The following ANXA4 variants were observed in gnomAD, a reference collection of about 807,000 sequenced individuals.
ANXA4 encodes 35-beta calcimedin.
In ANXA4, 39 loss-of-function variants were observed where a neutral mutation model predicts 49.8. The ratio of observed to expected loss-of-function variants is 0.78; its 90% confidence interval spans 0.61 to 1.02. The LOEUF (loss-of-function observed/expected upper bound fraction) is 1.02, where lower values mean the gene tolerates loss of function less well. ANXA4 is among the 50% of genes least tolerant of loss of function. The probability of loss-of-function intolerance (pLI) is 0.00; values close to 1 mark genes in which losing one functional copy is unlikely to be tolerated. For missense variants in ANXA4, 360 were observed against 410.1 expected (o/e 0.88, Z 1.05); for synonymous variants, 134 against 152.5 (o/e 0.88, Z 0.89).
chr2:69,709,399 TCAAA>T (rs917632347), intron 2 of ANXA4, among the ~76,000 whole-genome samples: 1 of 152,200 alleles, frequency 6.6e-6, no homozygotes, highest in Non-Finnish European at 1.5e-5. Context: ...AATATTTTCC[TCAAA>T]CAAAGGCTTT....
At chr2:69,689,170 C>G (rs1414238927) in intron 2 of ANXA4, among the ~76,000 whole-genome samples, 1 of 152,130 alleles carries the variant, frequency 6.6e-6, no homozygotes, top group Non-Finnish European at 1.5e-5. Context: ...TAGTCCACCG[C>G]AGCCTTGAAC....
chr2:69,667,599 G>A (rs565325914), intron 2 of ANXA4, among the ~76,000 whole-genome samples: 5 of 152,206 alleles, frequency 3.3e-5, no homozygotes, highest in Middle Eastern at 3.2e-3. Flanking sequence ...TGGGGATGCT[G>A]TGGCAACATT....
At chr2:69,783,299 C>T (rs935712062) in intron 2 of ANXA4, among the ~76,000 whole-genome samples, 2 of 152,098 alleles carry the variant, frequency 1.3e-5, no homozygotes, top group Non-Finnish European at 2.9e-5. Context: ...CTCACTACCA[C>T]CTCCGTCGTA....
At chr2:69,724,725 A>AAAGAAAGATAAGCTGGGGC (rs1322994669) in intron 3 of ANXA4, among the ~76,000 whole-genome samples, 19 of 152,200 alleles carry the variant, frequency 1.2e-4, no homozygotes, top group Admixed American at 4.6e-4. Flanking sequence ...CTGGGGCAAG[A>AAAGAAAGATAAGCTGGGGC]AAGAAAGATA....
intron 8 of ANXA4, 159 bp from the exon 9 acceptor site, chr2:69,815,942 A>C: frequency 3.3e-6 from 2 of 614,998 alleles, no homozygotes; most frequent in Non-Finnish European, 5.9e-6. Context: ...ATGCCTGAGG[A>C]AGGATCCTGA....
At chr2:69,692,988 G>T (rs993161887) in intron 2 of ANXA4, among the ~76,000 whole-genome samples, 1 of 152,180 alleles carries the variant, frequency 6.6e-6, no homozygotes, top group African/African-American at 2.4e-5. Flanking sequence ...GTGTGAGGTG[G>T]GGGAGGGATG....
intron 2 of ANXA4, among the ~76,000 whole-genome samples, chr2:69,705,129 A>G (rs1379637886): frequency 6.6e-6 from 1 of 151,844 alleles, no homozygotes; most frequent in Non-Finnish European, 1.5e-5. Context: ...TACTTCTACA[A>G]AAATAAAAAA....
chr2:69,733,981 T>C (rs1399788600), intron 3 of ANXA4, among the ~76,000 whole-genome samples: 2 of 152,122 alleles, frequency 1.3e-5, no homozygotes, highest in South Asian at 4.1e-4. Context: ...CTGGCCTTAC[T>C]GAATCAATGA....
rs1381157835 is a variant in ANXA4 at position 69,816,530 on chromosome 2, A to C, written c.628+336A>C. ...GTTACATATGAAAGTAATCTGTAGT[A>C]GATCAGGTAGCAATAAAATAGCAAT... On this transcript the variant is annotated intron_variant, in intron 9 of 12. Coordinates refer to ENST00000394295, the MANE Select transcript of ANXA4 (RefSeq NM_001153.5). 3 of 204,346 alleles carry C rather than the reference A, an allele frequency of 1.5e-5. No homozygotes were observed. The South Asian group carries it at 2.9e-4, about 20-fold the overall frequency. 12.7% of individuals were successfully genotyped at this position (204,346 alleles called of 1,614,324 possible).
At chr2:69,703,270 A>G (rs1470730009) in intron 2 of ANXA4, among the ~76,000 whole-genome samples, 1 of 151,804 alleles carries the variant, frequency 6.6e-6, no homozygotes, top group Non-Finnish European at 1.5e-5. Context: ...TTATTAAAAT[A>G]TAATTCACAT....
chr2:69,688,655 G>A (rs1677869894), intron 2 of ANXA4, among the ~76,000 whole-genome samples: 1 of 152,216 alleles, frequency 6.6e-6, no homozygotes, highest in Non-Finnish European at 1.5e-5. Flanking sequence ...TGCCTAGGAA[G>A]AACAATGAGC....
chr2:69,793,019 C>CT (rs1191632749), intron 3 of ANXA4, among the ~76,000 whole-genome samples: 1 of 151,154 alleles, frequency 6.6e-6, no homozygotes, highest in Non-Finnish European at 1.5e-5. Flanking sequence ...TTTGGGAGGC[C>CT]AAGGCGGGCG....
chr2:69,776,358 C>T (rs909926964), intron 1 of ANXA4, among the ~76,000 whole-genome samples: 43 of 152,184 alleles, frequency 2.8e-4, no homozygotes, highest in African/African-American at 1.0e-3. Context: ...TTCTCATCCC[C>T]AACCCTTTTG....
At chr2:69,822,556 C>T (rs1674286628) in intron 12 of ANXA4, among the ~76,000 whole-genome samples, 1 of 151,706 alleles carries the variant, frequency 6.6e-6, no homozygotes, top group Non-Finnish European at 1.5e-5. Flanking sequence ...TATATACATA[C>T]ATAAAAAGCA....
chr2:69,762,719 C>G (rs1025838362), intron 1 of ANXA4, among the ~76,000 whole-genome samples: 1 of 152,202 alleles, frequency 6.6e-6, no homozygotes, highest in African/African-American at 2.4e-5. Context: ...TCTCGGCCTG[C>G]TTTGGATGAG....
chr2:69,739,986 C>T (rs1311216408), upstream of ANXA4, among the ~76,000 whole-genome samples: 1 of 152,012 alleles, frequency 6.6e-6, no homozygotes. Context: ...ATGAAGGGTA[C>T]CACAGATTTA....
intron 3 of ANXA4, among the ~76,000 whole-genome samples, chr2:69,733,291 C>G (rs1183681437): frequency 2.0e-5 from 3 of 152,128 alleles, no homozygotes; most frequent in Non-Finnish European, 4.4e-5. Flanking sequence ...AGATCTAACA[C>G]CAGAAAACTG....
chr2:69,699,281 G>A (rs1157834596), intron 2 of ANXA4, among the ~76,000 whole-genome samples: 3 of 152,176 alleles, frequency 2.0e-5, no homozygotes, highest in Admixed American at 6.5e-5. Context: ...TGTGCACTCA[G>A]AGAAGGGAGT....
At chr2:69,696,239 G>A (rs59427636) in intron 2 of ANXA4, among the ~76,000 whole-genome samples, 1 of 152,220 alleles carries the variant, frequency 6.6e-6, no homozygotes, top group South Asian at 2.1e-4. Context: ...ATCGTTTCTT[G>A]TCATTTCAAC....
Sources: gnomAD v4.1 joint callset for allele counts (sites outside exome capture counted in the v4.1 genomes callset) on GRCh38, gnomAD v4.1.1 for gene constraint, MANE v1.5 for transcripts, NCBI Gene and HGNC (gene_info 2026-07-23, HGNC 2026-07-21) for gene names.